The following ACYP2 variants were observed in gnomAD, a reference collection of about 807,000 sequenced individuals.
ACYP2 encodes the protein acylphosphatase-2.
ACYP2 carries 12 observed loss-of-function variants against 11.2 expected under a neutral mutation model. That is an observed-to-expected ratio of 1.08 (90% CI 0.69 to 1.74). The LOEUF (loss-of-function observed/expected upper bound fraction) is 1.74, where lower values mean the gene tolerates loss of function less well. Ranked by LOEUF, ACYP2 falls within the 40% of genes most tolerant of loss-of-function variation. ACYP2 has a pLI of 0.00. For synonymous variants in ACYP2, 43 were observed against 32.2 expected, an observed-to-expected ratio of 1.33 and a Z score of -1.13; for missense variants, 134 against 101.9, an observed-to-expected ratio of 1.31 and a Z score of -1.35.
At chr2:54,061,546 T>G (rs1311257895) in intron 4 of ACYP2, among the ~76,000 whole-genome samples, 1 of 152,204 alleles carries the variant, frequency 6.6e-6, no homozygotes, top group Non-Finnish European at 1.5e-5. Context: ...CCAGCCTGGG[T>G]CCTTTGTTGG....
At chr2:54,161,145 G>A (rs1682693294) in intron 6 of ACYP2, among the ~76,000 whole-genome samples, 2 of 152,162 alleles carry the variant, frequency 1.3e-5, no homozygotes. Context: ...GAAAGCTTCA[G>A]AGCCACTAAA....
rs1002622710 is a variant in ACYP2, at chr2:54,201,642, C to G, written c.404+62894C>G. ...TTTCTTTGTTTCTTTCTTTCTCTTT[C>G]TTTCTTTCTTTCTTTCTTTCTTTCT... On this transcript the variant is annotated intron_variant, in intron 6 of 6. Transcript: ENST00000607452. Among the ~76,000 whole-genome samples, 260 of 78,310 alleles carry G rather than the reference C, an allele frequency of 3.3e-3. 1 individual carries two copies. Among genetic ancestry groups the G allele is most frequent in the South Asian group, 0.016 (31 of 1,940 alleles). The allele number at this position is 78,310 out of a possible 152,430, so 51.4% of individuals were successfully genotyped here.
In ACYP2 at chr2:54,213,835, G is replaced by A. The variant is rs909690725; in HGVS notation, c.404+75087G>A. Among the ~76,000 whole-genome samples the A allele has an allele frequency of 2.6e-5, 4 of 151,400 alleles. No individual in the cohort carries two copies. In the East Asian group the frequency reaches 5.8e-4, roughly 22 times the overall value. ...CAGGCTGGAGTGCAGTGGCATGAAC[G>A]CTGCTCACTATAGCCTCAACCTCCC... On this transcript the variant is annotated intron_variant, in intron 6 of 6. Transcript: ENST00000607452.
intron 6 of ACYP2, among the ~76,000 whole-genome samples, chr2:54,214,710 T>C (rs1247850453): frequency 6.6e-6 from 1 of 152,218 alleles, no homozygotes; most frequent in Non-Finnish European, 1.5e-5. Flanking sequence ...TTTTGTTTTC[T>C]GCTTAGGATT....
intron 6 of ACYP2, among the ~76,000 whole-genome samples, chr2:54,284,257 G>C (rs1032950442): frequency 6.6e-6 from 1 of 152,176 alleles, no homozygotes; most frequent in Non-Finnish European, 1.5e-5. Flanking sequence ...TCAGAATACT[G>C]GGGGATGCAT....
intron 6 of ACYP2, among the ~76,000 whole-genome samples, chr2:54,221,819 G>A (rs1232153080): frequency 1.3e-5 from 2 of 152,082 alleles, no homozygotes; most frequent in African/African-American, 4.8e-5. Context: ...ACCACACCCC[G>A]CCAGAATAAA....
intron 6 of ACYP2, among the ~76,000 whole-genome samples, chr2:54,182,498 C>T (rs749701842): frequency 3.3e-5 from 5 of 152,184 alleles, no homozygotes; most frequent in East Asian, 1.9e-4. Context: ...TGCGTCACCA[C>T]GCCCAGCTAT....
rs1334129729 is a variant in ACYP2, at chr2:54,245,245, G to A, written c.405-59443G>A. On this transcript the variant is annotated intron_variant, in intron 6 of 6. Transcript: ENST00000607452. The stretch of plus-strand genomic sequence containing the variant: ...TTTTATGGCTGAATTGTGTTCCATT[G>A]GGTATATATACCACATTTCCTTGAT... 2.0e-5 allele frequency among the ~76,000 whole-genome samples: 3 copies of A among 152,030 alleles called. No homozygotes were observed. In the East Asian group the frequency reaches 5.8e-4, roughly 29 times the overall value.
intron 1 of ACYP2, chr2:53,971,370 G>A (rs1671097764): frequency 6.6e-6 from 1 of 152,294 alleles, no homozygotes; most frequent in Non-Finnish European, 1.5e-5. Flanking sequence ...GGGTTAGAGG[G>A]GTTTATGGAA....
intron 6 of ACYP2, among the ~76,000 whole-genome samples, chr2:54,160,767 G>A (rs1682676896): frequency 6.6e-6 from 1 of 152,200 alleles, no homozygotes; most frequent in Non-Finnish European, 1.5e-5. Context: ...TGTCAGCAAT[G>A]GGGAGTCGTT....
chr2:54,088,170 G>C (rs576455958), intron 4 of ACYP2, among the ~76,000 whole-genome samples: 1 of 152,300 alleles, frequency 6.6e-6, no homozygotes, highest in Non-Finnish European at 1.5e-5. Context: ...AAAGCGTGTT[G>C]CTAGGTTAGA....
intron 2 of ACYP2, among the ~76,000 whole-genome samples, chr2:53,992,750 C>T (rs1672361799): frequency 1.3e-5 from 2 of 148,444 alleles, no homozygotes; most frequent in South Asian, 4.2e-4. Flanking sequence ...ATAATCACTT[C>T]AAACCAGGAG....
At chr2:54,067,998 G>C (rs1386710874) in intron 4 of ACYP2, among the ~76,000 whole-genome samples, 1 of 152,226 alleles carries the variant, frequency 6.6e-6, no homozygotes, top group Non-Finnish European at 1.5e-5. Context: ...AACACACATT[G>C]TTTAATGTGG....
chr2:54,027,056 G>A (rs563473402), intron 2 of ACYP2, among the ~76,000 whole-genome samples: 37 of 152,190 alleles, frequency 2.4e-4, no homozygotes, highest in Admixed American at 2.0e-4. Context: ...ACAGTTTTAG[G>A]TTTACTGAAA....
intron 6 of ACYP2, among the ~76,000 whole-genome samples, chr2:54,194,183 G>T (rs1363172902): frequency 6.6e-6 from 1 of 152,082 alleles, no homozygotes; most frequent in African/African-American, 2.4e-5. Flanking sequence ...GGTACCACAG[G>T]GGTGTGCCAC....
chr2:54,118,904 C>T (rs1679976062), intron 4 of ACYP2, among the ~76,000 whole-genome samples: 2 of 152,228 alleles, frequency 1.3e-5, no homozygotes, highest in South Asian at 4.2e-4. Flanking sequence ...CTGTACTCAA[C>T]ATTTTACATA....
At chr2:54,256,214 C>A in intron 6 of ACYP2, 1 of 1,527,102 alleles carries the variant, frequency 6.5e-7, no homozygotes, top group South Asian at 1.3e-5. Context: ...CGTCAACGTT[C>A]CTCACACAAA....
chr2:54,238,245 T>C (rs1224645448), intron 6 of ACYP2, among the ~76,000 whole-genome samples: 1 of 152,236 alleles, frequency 6.6e-6, no homozygotes, highest in Admixed American at 6.5e-5. Context: ...ATCCAATATT[T>C]ATTTGCTTAT....
chr2:54,205,736 C>G lies in ACYP2; in HGVS notation c.404+66988C>G, dbSNP rs10172581. Among the ~76,000 whole-genome samples, 1,424 of 152,240 alleles carry G rather than the reference C, an allele frequency of 9.4e-3. 22 individuals carry two copies. The highest frequency in any genetic ancestry group is 0.033 in the African/African-American group (1,361 of 41,542). ...TAAATCCCTTTTCTGAAATACTCCT[C>G]CCCTCTACCCCTCTGAAGTTCAACT... On this transcript the variant is annotated intron_variant, in intron 6 of 6. Coordinates refer to ENST00000607452, the MANE Select transcript of ACYP2 (RefSeq NM_001320586.2).
Sources: gnomAD v4.1 joint callset for allele counts (sites outside exome capture counted in the v4.1 genomes callset) on GRCh38, gnomAD v4.1.1 for gene constraint, MANE v1.5 for transcripts, NCBI Gene and HGNC (gene_info 2026-07-23, HGNC 2026-07-21) for gene names.